SLC38A8: variants seen among roughly 807,000 people sequenced by gnomAD.
The protein encoded by SLC38A8 is amino acid transporter SLC38A8.
Under a neutral mutation model 46.0 loss-of-function variants are expected in SLC38A8, and 65 were observed. The ratio of observed to expected loss-of-function variants is 1.41; its 90% CI spans 1.16 to 1.74. The LOEUF (loss-of-function observed/expected upper bound fraction) is 1.74. SLC38A8 is among the 40% of genes most tolerant of loss of function. The probability of loss-of-function intolerance (pLI) is 0.00; values close to 1 mark genes in which losing one functional copy is unlikely to be tolerated. For missense variants in SLC38A8, 998 were observed against 567.9 expected, an observed-to-expected ratio of 1.76 and a Z score of -7.70; for synonymous variants, 447 against 243.7, an observed-to-expected ratio of 1.83 and a Z score of -7.77.
intron 7 of SLC38A8, among the ~76,000 whole-genome samples, chr16:84,022,349 C>A (rs897904775): frequency 1.6e-4 from 24 of 152,314 alleles, no homozygotes; most frequent in African/African-American, 5.5e-4. Context: ...CTTTAAAGAC[C>A]CTCTGCCTCC....
intron 6 of SLC38A8, among the ~76,000 whole-genome samples, chr16:84,028,231 G>C (rs2085189491): frequency 6.6e-6 from 1 of 152,092 alleles, no homozygotes; most frequent in Non-Finnish European, 1.5e-5. Context: ...GTTGGTGCTG[G>C]TGGTAGGCAG....
chr16:84,019,086 T>C (rs1039818882), intron 7 of SLC38A8, among the ~76,000 whole-genome samples: 5 of 149,586 alleles, frequency 3.3e-5, no homozygotes, highest in Non-Finnish European at 7.4e-5. Context: ...CAAAAAAAAT[T>C]TTTTTTTTTT....
chr16:84,013,219 G>A (rs1244410567), intron 9 of SLC38A8, among the ~76,000 whole-genome samples, 167 bp from the exon 10 acceptor site: 1 of 152,156 alleles, frequency 6.6e-6, no homozygotes, highest in African/African-American at 2.4e-5. Context: ...TGGAAGGACG[G>A]GGCTGGAGTC....
chr16:84,018,399 T>G (rs1232918832), intron 7 of SLC38A8, among the ~76,000 whole-genome samples: 1 of 151,962 alleles, frequency 6.6e-6, no homozygotes, highest in African/African-American at 2.4e-5. Flanking sequence ...TTTTGAATTT[T>G]TAGTAAAGAC....
chr16:84,029,636 G>A (rs1261843957), intron 5 of SLC38A8, 85 bp from the exon 6 acceptor site: 10 of 1,356,164 alleles, frequency 7.4e-6, no homozygotes, highest in African/African-American at 1.4e-5. Flanking sequence ...TTTAAAGGAT[G>A]CTGGGAAAAT....
At position 84,041,968 on chromosome 16, in the gene SLC38A8, C is replaced by A. The variant is rs1325791118; in HGVS notation, c.189+1G>T. 6.3e-7 allele frequency: 1 copy of A among 1,584,302 alleles called. No homozygotes were observed. Among genetic ancestry groups the A allele is most frequent in the Non-Finnish European group, 8.6e-7 (1 of 1,163,308 alleles). On this transcript the variant is annotated splice_donor_variant, in intron 2 of 10. Transcript: ENST00000299709. LOFTEE classifies it high-confidence loss of function. ...CCAGGACTCACTTCCCGGGGACTTA[C>A]CAGCTCCACCAGGAAGGCAGGGACC...
Position 84,016,668 on chromosome 16 carries a change from A to T in SLC38A8, c.1013T>A (p.Leu338Gln). ...SCLGGWGPSA[L>Q]ADPSGLWVRM... ...GACCCACAGCCCTGAGGGGTCGGCC[A>T]GGGCGCTGGGCCCCCATCCCCCCAA... Residue 338 changes from leucine (L) to glutamine (Q), a missense_variant, in exon 9 of 11, where the codon CTG becomes CAG. By Grantham distance (113) the Leu-to-Gln change is moderately radical. Transcript: ENST00000299709. 1.2e-6 allele frequency: 2 copies of T among 1,613,642 alleles called. No individual in the cohort carries two copies. The highest frequency in any genetic ancestry group is 1.7e-6 in the Non-Finnish European group (2 of 1,180,000).
chr16:84,027,720 C>T lies in SLC38A8; in HGVS notation c.690+1774G>A, dbSNP rs1413983314. Among the ~76,000 whole-genome samples the T allele has an allele frequency of 3.2e-4, 48 of 152,300 alleles. 1 individual carries two copies. The highest frequency in any genetic ancestry group is 8.8e-5 in the Non-Finnish European group (6 of 68,028). On this transcript the variant is annotated intron_variant, in intron 6 of 10. Transcript: ENST00000299709. ...TCCTATCCTTCCCAGCTCTTCATCT[C>T]GGCATCCCGTGTCCCTGGAAACGCA...
At chr16:84,038,384 G>A (rs984316637) in intron 2 of SLC38A8, among the ~76,000 whole-genome samples, 2 of 151,556 alleles carry the variant, frequency 1.3e-5, no homozygotes, top group African/African-American at 4.9e-5. Flanking sequence ...GCAGCCACCC[G>A]ACTCCCCCAT....
At chr16:84,016,338 G>A (rs186608185) in intron 9 of SLC38A8, among the ~76,000 whole-genome samples, 181 bp downstream of exon 9, 37 of 152,308 alleles carry the variant, frequency 2.4e-4, no homozygotes, top group African/African-American at 8.9e-4. Flanking sequence ...AATGAGTGAG[G>A]GAAGGTATGT....
At chr16:84,042,329 C>T (rs934566419) in intron 1 of SLC38A8, among the ~76,000 whole-genome samples, 170 bp from the exon 2 acceptor site, 13 of 152,158 alleles carry the variant, frequency 8.5e-5, no homozygotes, top group African/African-American at 2.2e-4. Flanking sequence ...CATCTGCCCA[C>T]GACTTCTAGT....
At chr16:84,010,937 C>T (rs2084945161) in intron 10 of SLC38A8, among the ~76,000 whole-genome samples, 1 of 152,114 alleles carries the variant, frequency 6.6e-6, no homozygotes, top group Non-Finnish European at 1.5e-5. Flanking sequence ...TGGCAGCCAC[C>T]GAGGCCACAT....
intron 7 of SLC38A8, among the ~76,000 whole-genome samples, chr16:84,020,968 C>T (rs1209241628): frequency 6.6e-6 from 1 of 152,110 alleles, no homozygotes; most frequent in African/African-American, 2.4e-5. Flanking sequence ...TTGCCTGTTC[C>T]AGCATAACGT....
intron 9 of SLC38A8, among the ~76,000 whole-genome samples, chr16:84,015,126 G>A (rs1026985187): frequency 6.6e-6 from 1 of 152,144 alleles, no homozygotes; most frequent in South Asian, 2.1e-4. Flanking sequence ...AGTCGCGGCT[G>A]AATCACAGGG....
chr16:84,019,177 C>A lies in SLC38A8; in HGVS notation c.806-1890G>T, dbSNP rs190849577. ...GCAACCTGTGCCTTCCAGGTTCAAGCGATTATCTTGCCTCAGCCTCCTGAG... is the reference window on the plus strand; with the variant it reads ...GCAACCTGTGCCTTCCAGGTTCAAGAGATTATCTTGCCTCAGCCTCCTGAG... On this transcript the variant is annotated intron_variant, in intron 7 of 10. Coordinates refer to ENST00000299709, the MANE Select transcript of SLC38A8 (RefSeq NM_001080442.3). Among the ~76,000 whole-genome samples the A allele has an allele frequency of 7.2e-5, 11 of 152,038 alleles. No individual in the cohort carries two copies. The East Asian group carries it at 1.9e-3, about 27-fold the overall frequency.
chr16:84,033,587 G>C lies in SLC38A8; in HGVS notation c.389-118C>G, dbSNP rs907065100. 9.0e-6 allele frequency: 11 copies of C among 1,219,272 alleles called. No individual in the cohort carries two copies. In the African/African-American group the frequency reaches 1.5e-4, roughly 17 times the overall value. The allele number at this position is 1,219,272 out of a possible 1,614,324, so 75.5% of individuals were successfully genotyped here. ...CATCCACCCTCAGCCAGCCCCAGGA[G>C]CCCAGGGATCAGACGACAAGTGAGA... On this transcript the variant is annotated intron_variant, in intron 3 of 10. Coordinates refer to ENST00000299709, the MANE Select transcript of SLC38A8 (RefSeq NM_001080442.3).
At chr16:84,039,192 G>A (rs1189132406) in intron 2 of SLC38A8, among the ~76,000 whole-genome samples, 3 of 152,158 alleles carry the variant, frequency 2.0e-5, no homozygotes, top group African/African-American at 4.8e-5. Flanking sequence ...GCGAAGCCCT[G>A]CTGACACCTT....
chr16:84,010,258 A>G (rs535960210), intron 10 of SLC38A8, among the ~76,000 whole-genome samples: 1 of 151,968 alleles, frequency 6.6e-6, no homozygotes, highest in African/African-American at 2.4e-5. Context: ...TTTAGTAGAG[A>G]TGGAGTTTCA....
chr16:84,013,424 GTTTTTTTTTTT>G (rs1221293803), intron 9 of SLC38A8, among the ~76,000 whole-genome samples: 1 of 64,048 alleles, frequency 1.6e-5, no homozygotes, highest in Non-Finnish European at 2.6e-5. Context: ...TTGTGTGTGT[GTTTTTTTTTTT>G]TTTTTTTTTT....
Sources: allele counts gnomAD v4.1 joint callset (sites outside exome capture counted in the v4.1 genomes callset), GRCh38; gene constraint gnomAD v4.1.1; transcripts MANE v1.5; gene names NCBI Gene and HGNC (gene_info 2026-07-23, HGNC 2026-07-21).